The following SLITRK4 variants were observed in gnomAD, a reference collection of about 807,000 sequenced individuals.
The protein encoded by SLITRK4 is SLIT and NTRK-like protein 4.
In SLITRK4, 7 loss-of-function variants were observed where a neutral mutation model predicts 34.7. The ratio of observed to expected loss-of-function variants is 0.20; its 90% CI spans 0.11 to 0.38. The LOEUF (loss-of-function observed/expected upper bound fraction) is 0.38. Among genes scored for constraint, SLITRK4 ranks in the 10% least tolerant of loss-of-function variants. The probability of loss-of-function intolerance (pLI) is 1.00; values close to 1 mark genes in which losing one functional copy is unlikely to be tolerated. For missense variants in SLITRK4, 474 were observed against 607.0 expected (o/e 0.78, Z 2.30); for synonymous variants, 237 against 246.2 (o/e 0.96, Z 0.35).
Position 143,626,694 on chromosome X carries a change from G to A in SLITRK4, c.*1901C>T, listed in dbSNP as rs1320098539. 9.3e-6 allele frequency: 1 copy of A among 108,108 alleles called. No homozygotes were observed. Among genetic ancestry groups the A allele is most frequent in the Non-Finnish European group, 1.9e-5 (1 of 52,116 alleles). The allele number at this position is 108,108 out of a possible 1,213,427, so 8.9% of individuals were successfully genotyped here. A position where few individuals can be genotyped will look rare whatever the true frequency, so the allele number is the denominator to read the frequency against. On this transcript the variant is annotated 3_prime_UTR_variant, in exon 2 of 2. Transcript: ENST00000356928. ...CTGCAACAGAAAAAATATGCCACTT[G>A]CAATCATGAGGAATGGCTATGTTTA...
chrX:143,625,752 C>T lies in SLITRK4; in HGVS notation c.*2843G>A, dbSNP rs781824760. ...AACTACATTATCATAAAATGTACAACTAGAACTAATGAGAGACAGGTGCAA... is the reference window on the plus strand; with the variant it reads ...AACTACATTATCATAAAATGTACAATTAGAACTAATGAGAGACAGGTGCAA... On this transcript the variant is annotated 3_prime_UTR_variant, in exon 2 of 2. Coordinates refer to ENST00000356928, the MANE Select transcript of SLITRK4 (RefSeq NM_001184749.3). The T allele has an allele frequency of 2.7e-5, 3 of 111,531 alleles. No individual in the cohort carries two copies. The highest frequency in any genetic ancestry group is 3.8e-5 in the Non-Finnish European group (2 of 52,835). The allele number at this position is 111,531 out of a possible 1,213,427, so 9.2% of individuals were successfully genotyped here. A position where few individuals can be genotyped will look rare whatever the true frequency, so the allele number is the denominator to read the frequency against.
chrX:143,627,253 T>C lies in SLITRK4; in HGVS notation c.*1342A>G, dbSNP rs1293259798. 1 of 109,528 alleles carries C rather than the reference T, an allele frequency of 9.1e-6. No homozygotes were observed. The highest frequency in any genetic ancestry group is 1.9e-5 in the Non-Finnish European group (1 of 52,586). 9.0% of individuals were successfully genotyped at this position (109,528 alleles called of 1,213,427 possible). A position where few individuals can be genotyped will look rare whatever the true frequency, so the allele number is the denominator to read the frequency against. On this transcript the variant is annotated 3_prime_UTR_variant, in exon 2 of 2. Coordinates refer to ENST00000356928, the MANE Select transcript of SLITRK4 (RefSeq NM_001184749.3). ...ACTGATGCATACAAGATATAACTATTAACCTTATTCATTATTTTTTAAATA... is the reference window on the plus strand; with the variant it reads ...ACTGATGCATACAAGATATAACTATCAACCTTATTCATTATTTTTTAAATA...
At position 143,630,530 on chromosome X, in the gene SLITRK4, G is replaced by C; in HGVS notation, c.579C>G (p.Leu193=). ...LDIRGNRIQK[L]PYIGVLEHIG... is the part of the protein sequence containing the mutation. ...TGTGTTCCAGAACCCCGATATAAGGGAGCTTCTGGATTCTGTTCCCTCGTA... is the reference window on the plus strand; with the variant it reads ...TGTGTTCCAGAACCCCGATATAAGGCAGCTTCTGGATTCTGTTCCCTCGTA... The change falls in exon 2 of 2, where the codon CTC becomes CTG. Residue 193 remains leucine (L), a synonymous_variant. Coordinates refer to ENST00000356928, the MANE Select transcript of SLITRK4 (RefSeq NM_001184749.3). 8.3e-7 allele frequency: 1 copy of C among 1,211,595 alleles called. No individual in the cohort carries two copies. Among genetic ancestry groups the C allele is most frequent in the Non-Finnish European group, 1.1e-6 (1 of 895,467 alleles).
Position 143,628,508 on chromosome X carries a change from A to T in SLITRK4, c.*87T>A, listed in dbSNP as rs1242112871. On this transcript the variant is annotated 3_prime_UTR_variant, in exon 2 of 2. Coordinates refer to ENST00000356928, the MANE Select transcript of SLITRK4 (RefSeq NM_001184749.3). ...GAAACACCTGCCTCCATGCCTATTGATAATATAGTATTTGGAAGTTAGAAG... is the reference window on the plus strand; with the variant it reads ...GAAACACCTGCCTCCATGCCTATTGTTAATATAGTATTTGGAAGTTAGAAG... The T allele has an allele frequency of 1.3e-6, 1 of 745,357 alleles. No homozygotes were observed. The highest frequency in any genetic ancestry group is 2.2e-5 in the African/African-American group (1 of 46,250). 61.4% of individuals were successfully genotyped at this position (745,357 alleles called of 1,213,427 possible).
Position 143,633,124 on chromosome X carries a change from G to C in SLITRK4, c.-50-1966C>G, listed in dbSNP as rs369544651. On this transcript the variant is annotated intron_variant, in intron 1 of 1. Coordinates refer to ENST00000356928, the MANE Select transcript of SLITRK4 (RefSeq NM_001184749.3). ...GGTGATTGCTACTTTAAGTAGCAAG[G>C]GGGGGAAAAGGCACTAGTAAGAGCC... Among the ~76,000 whole-genome samples the C allele has an allele frequency of 4.3e-4, 48 of 110,938 alleles. No individual in the cohort carries two copies. The East Asian group carries it at 8.9e-3, about 21-fold the overall frequency.
At chrX:143,633,654 A>T (rs903845418) in intron 1 of SLITRK4, among the ~76,000 whole-genome samples, 1 of 111,542 alleles carries the variant, frequency 9.0e-6, no homozygotes, top group Non-Finnish European at 1.9e-5. Context: ...AGGGGGGCAG[A>T]ACACTGATGG....
chrX:143,630,125 C>A lies in SLITRK4; in HGVS notation c.984G>T (p.Gln328His). 1 of 1,211,955 alleles carries A rather than the reference C, an allele frequency of 8.3e-7. No individual in the cohort carries two copies. The highest frequency in any genetic ancestry group is 1.1e-6 in the Non-Finnish European group (1 of 895,606). The change falls in exon 2 of 2, where the codon CAG becomes CAT. Residue 328 changes from glutamine (Q) to histidine (H), a missense_variant. Physicochemically the swap from Gln to His is conservative, Grantham distance 24. Coordinates refer to ENST00000356928, the MANE Select transcript of SLITRK4 (RefSeq NM_001184749.3). ...GKALSNRNLS[Q>H]IVSYQTRVPP... ...GCACCCTTGTTTGGTAAGACACAATCTGACTGAGATTGCGGTTGGAGAGGG... is the reference window on the plus strand; with the variant it reads ...GCACCCTTGTTTGGTAAGACACAATATGACTGAGATTGCGGTTGGAGAGGG...
At chrX:143,635,481 A>AACAC (rs782006427) in intron 1 of SLITRK4, among the ~76,000 whole-genome samples, 12,876 of 55,078 alleles carry the variant, frequency 0.23, 1,950 homozygotes, top group Non-Finnish European at 0.3. Flanking sequence ...ATAACGAAGG[A>AACAC]ACACACACAC....
chrX:143,633,860 T>A, intron 1 of SLITRK4, among the ~76,000 whole-genome samples: 1 of 112,700 alleles, frequency 8.9e-6, no homozygotes, highest in East Asian at 2.8e-4. Context: ...GCCGCATCCC[T>A]GTTCCCGGAG....
chrX:143,631,338 T>A (rs782651579), intron 1 of SLITRK4, among the ~76,000 whole-genome samples, 180 bp from the exon 2 acceptor site: 1 of 111,847 alleles, frequency 8.9e-6, no homozygotes, highest in African/African-American at 3.2e-5. Flanking sequence ...CCATACATTT[T>A]ATTTTCCATA....
Position 143,627,893 on chromosome X carries a change from C to G in SLITRK4, c.*702G>C, listed in dbSNP as rs1030205372. 6.4e-6 allele frequency: 1 copy of G among 155,209 alleles called. No homozygotes were observed. Among genetic ancestry groups the G allele is most frequent in the African/African-American group, 3.1e-5 (1 of 32,559 alleles). The allele number at this position is 155,209 out of a possible 1,213,427, so 12.8% of individuals were successfully genotyped here. A position where few individuals can be genotyped will look rare whatever the true frequency, so the allele number is the denominator to read the frequency against. Reference sequence around the variant, plus strand: ...ATCATCACAAATGCTATCTAACTCACGTTGATTTTTTCTTTTAGATTTTTA... The same window carrying G: ...ATCATCACAAATGCTATCTAACTCAGGTTGATTTTTTCTTTTAGATTTTTA... On this transcript the variant is annotated 3_prime_UTR_variant, in exon 2 of 2. Transcript: ENST00000356928.
Position 143,626,867 on chromosome X carries a change from CATAT to C in SLITRK4, c.*1724_*1727del, listed in dbSNP as rs1167922616. On this transcript the variant is annotated 3_prime_UTR_variant, in exon 2 of 2. Coordinates refer to ENST00000356928, the MANE Select transcript of SLITRK4 (RefSeq NM_001184749.3). ...ATACACACACATATATATACACACG[CATAT>C]ATATATACACACACACATATATATA... 9.5e-6 allele frequency: 1 copy of C among 105,451 alleles called. No individual in the cohort carries two copies. The highest frequency in any genetic ancestry group is 1.9e-5 in the Non-Finnish European group (1 of 51,479). 8.7% of individuals were successfully genotyped at this position (105,451 alleles called of 1,213,427 possible).
In SLITRK4 at chrX:143,626,436, A is replaced by G. The variant is rs1556425466; in HGVS notation, c.*2159T>C. 9.0e-6 allele frequency: 1 copy of G among 110,958 alleles called. No homozygotes were observed. The highest frequency in any genetic ancestry group is 3.3e-5 in the African/African-American group (1 of 30,596). The allele number at this position is 110,958 out of a possible 1,213,427, so 9.1% of individuals were successfully genotyped here. On this transcript the variant is annotated 3_prime_UTR_variant, in exon 2 of 2. Coordinates refer to ENST00000356928, the MANE Select transcript of SLITRK4 (RefSeq NM_001184749.3). ...ACTAAAGTTTTAAGAGCACCAGCAC[A>G]TACACATGGAGACGGTTTTTGCTAT...
chrX:143,633,042 A>G (rs1931094845), intron 1 of SLITRK4, among the ~76,000 whole-genome samples: 1 of 111,172 alleles, frequency 9.0e-6, no homozygotes, highest in Non-Finnish European at 1.9e-5. Flanking sequence ...TCAGTACAAA[A>G]ACAAGAACCA....
Position 143,629,241 on chromosome X carries a change from C to T in SLITRK4, c.1868G>A (p.Ser623Asn). 1 of 1,211,873 alleles carries T rather than the reference C, an allele frequency of 8.3e-7. No homozygotes were observed. Among genetic ancestry groups the T allele is most frequent in the Non-Finnish European group, 1.1e-6 (1 of 895,595 alleles). ...GPVPLSILILSILVVLILTVF... is the reference protein window; with the variant it reads ...GPVPLSILILNILVVLILTVF... ...CGTTAAAATGAGGACCACTAAGATA[C>T]TTAAGATTAAAATAGACAGAGGCAC... is the stretch of plus-strand genomic sequence containing the variant. Residue 623 changes from serine (S) to asparagine (N), a missense_variant, in exon 2 of 2, where the codon AGT (serine) becomes AAT (asparagine). Physicochemically the swap from Ser to Asn is conservative, Grantham distance 46. This residue lies in a region of SLITRK4 where 345 missense variants were observed against 406.5 expected (regional missense o/e 0.85). Transcript: ENST00000356928.
rs1331029317 is a variant in SLITRK4, at chrX:143,627,524, C to T, written c.*1071G>A. ...TTTTTGTTTTTAAGTTACACCTGAT[C>T]ACAAAGTCCAGAATATTTCTGTTCA... On this transcript the variant is annotated 3_prime_UTR_variant, in exon 2 of 2. Transcript: ENST00000356928. The T allele has an allele frequency of 1.8e-5, 2 of 110,751 alleles. No individual in the cohort carries two copies. Among genetic ancestry groups the T allele is most frequent in the Non-Finnish European group, 3.8e-5 (2 of 52,780 alleles). The allele number at this position is 110,751 out of a possible 1,213,427, so 9.1% of individuals were successfully genotyped here.
At position 143,626,908 on chromosome X, in the gene SLITRK4, A is replaced by ATATATATC. The variant is rs1224237873; in HGVS notation, c.*1679_*1686dup. The ATATATATC allele has an allele frequency of 1.9e-5, 2 of 106,681 alleles. No individual in the cohort carries two copies. The highest frequency in any genetic ancestry group is 3.8e-5 in the Non-Finnish European group (2 of 51,972). 8.8% of individuals were successfully genotyped at this position (106,681 alleles called of 1,213,427 possible). On this transcript the variant is annotated 3_prime_UTR_variant, in exon 2 of 2. Coordinates refer to ENST00000356928, the MANE Select transcript of SLITRK4 (RefSeq NM_001184749.3). ...CACACATATATATATATGTATATCT[A>ATATATATC]TATATATCTATATATCTATATATAT...
Position 143,630,146 on chromosome X carries a change from G to T in SLITRK4, c.963C>A (p.Leu321=). The T allele has an allele frequency of 8.3e-7, 1 of 1,211,943 alleles. No individual in the cohort carries two copies. The highest frequency in any genetic ancestry group is 1.1e-6 in the Non-Finnish European group (1 of 895,566). Residue 321 remains leucine, a synonymous_variant, in exon 2 of 2, where the codon CTC becomes CTA. Transcript: ENST00000356928. ...KISGIVAGKA[L]SNRNLSQIVS... Reference sequence around the variant, plus strand: ...CAATCTGACTGAGATTGCGGTTGGAGAGGGCTTTGCCTGCAACGATTCCAG... The same window carrying T: ...CAATCTGACTGAGATTGCGGTTGGATAGGGCTTTGCCTGCAACGATTCCAG...
rs1290549871 is a variant in SLITRK4, at chrX:143,624,915, T to G, written c.*3680A>C. On this transcript the variant is annotated 3_prime_UTR_variant, in exon 2 of 2. Coordinates refer to ENST00000356928, the MANE Select transcript of SLITRK4 (RefSeq NM_001184749.3). ...TCAAATCAGGGTAAAAACAATACAA[T>G]ATTTTTTTTACTTTATTTTAAAATA... 1 of 111,396 alleles carries G rather than the reference T, an allele frequency of 9.0e-6. No homozygotes were observed. Among genetic ancestry groups the G allele is most frequent in the African/African-American group, 3.3e-5 (1 of 30,760 alleles). 9.2% of individuals were successfully genotyped at this position (111,396 alleles called of 1,213,427 possible).
Sources: gnomAD v4.1 joint callset for allele counts (sites outside exome capture counted in the v4.1 genomes callset) on GRCh38, gnomAD v4.1.1 for gene constraint, gnomAD v4.1.1 regional missense constraint, MANE v1.5 for transcripts, NCBI Gene and HGNC (gene_info 2026-07-23, HGNC 2026-07-21) for gene names.